The following C5orf34 variants were observed in gnomAD, a reference collection of about 807,000 sequenced individuals.
C5orf34 encodes uncharacterized protein C5orf34.
C5orf34 carries 73 observed loss-of-function variants against 78.4 expected under a neutral mutation model. The ratio of observed to expected loss-of-function variants is 0.93; its 90% CI spans 0.77 to 1.13. C5orf34 has a LOEUF of 1.13. C5orf34 is among the 50% of genes most tolerant of loss of function. The pLI is 0.00. For missense variants in C5orf34, 730 were observed against 732.7 expected (o/e 1.00, Z 0.04); for synonymous variants, 251 against 246.6 (o/e 1.02, Z -0.17).
chr5:43,495,947 A>C (rs149699460), intron 6 of C5orf34: 1 of 1,590,754 alleles, frequency 6.3e-7, no homozygotes, highest in East Asian at 2.2e-5. Context: ...GACTTCCTTA[A>C]CAATTTCCTC....
intron 6 of C5orf34, chr5:43,494,959 T>C: frequency 1.2e-6 from 1 of 859,416 alleles, no homozygotes; most frequent in Non-Finnish European, 1.8e-6. Context: ...GATGCATTGT[T>C]ATCATTAACC....
intron 10 of C5orf34, among the ~76,000 whole-genome samples, chr5:43,491,983 C>A (rs1745303736): frequency 7.1e-6 from 1 of 140,018 alleles, no homozygotes; most frequent in Non-Finnish European, 1.5e-5. Flanking sequence ...CGGCCCAGGC[C>A]ACAGGAGCAA....
intron 1 of C5orf34, among the ~76,000 whole-genome samples, chr5:43,512,616 T>A (rs1488239802): frequency 1.3e-5 from 2 of 152,292 alleles, no homozygotes; most frequent in South Asian, 2.1e-4. Context: ...CTGCCACAGT[T>A]TTCTTCTTCA....
intron 6 of C5orf34, 96 bp from the exon 7 acceptor site, chr5:43,494,697 C>G (rs907588239): frequency 2.2e-5 from 13 of 604,262 alleles, no homozygotes; most frequent in Middle Eastern, 4.3e-4. Flanking sequence ...ACAATAGTGA[C>G]AAGACGAGTA....
chr5:43,506,352 C>A lies in C5orf34; in HGVS notation c.328G>T (p.Asp110Tyr). The change falls in exon 4 of 13, where the codon GAT becomes TAT. Residue 110 changes from aspartate to tyrosine, a missense_variant. Transcript: ENST00000306862. ...ATATATATCATGGTACCATCTGTAT[C>A]AAGACTGGGCCATCTCACTTCTGTT... is the stretch of plus-strand genomic sequence containing the variant. Reference protein sequence around the residue: ...DITEVRWPSLDTDGTMIYMES... With the variant: ...DITEVRWPSLYTDGTMIYMES... The A allele has an allele frequency of 6.2e-7, 1 of 1,612,306 alleles. No homozygotes were observed. Among genetic ancestry groups the A allele is most frequent in the Non-Finnish European group, 8.5e-7 (1 of 1,179,340 alleles).
chr5:43,505,872 TA>T lies in C5orf34; in HGVS notation c.807del (p.Ile271LeufsTer5). The T allele has an allele frequency of 6.2e-7, 1 of 1,613,964 alleles. No individual in the cohort carries two copies. On this transcript the variant is annotated frameshift_variant, in exon 4 of 13. Transcript: ENST00000306862. LOFTEE classifies it high-confidence loss of function. ...CTCTGAGTTATATGTGCATCAATTT[TA>T]GACATATTGCTGATTTTATTATGAA... ...LHFHNKISNMSKIDAHITQSR... is the reference protein window; with the variant it reads ...LHFHNKISNMXKIDAHITQSR...
intron 10 of C5orf34, among the ~76,000 whole-genome samples, chr5:43,492,004 CAAAAAAA>C (rs34983529): frequency 2.3e-5 from 2 of 85,538 alleles, no homozygotes; most frequent in African/African-American, 8.5e-5. Context: ...AACTCTGTCT[CAAAAAAA>C]AAAAAAAAAA....
chr5:43,512,143 G>C (rs967431542), intron 1 of C5orf34, among the ~76,000 whole-genome samples: 1 of 151,768 alleles, frequency 6.6e-6, no homozygotes, highest in African/African-American at 2.4e-5. Context: ...GGATTGTTGT[G>C]TGTATTAAAA....
In C5orf34 at chr5:43,495,844, A is replaced by C. The variant is rs1432933484; in HGVS notation, c.1153-1243T>G. On this transcript the variant is annotated intron_variant, in intron 6 of 12. Transcript: ENST00000306862. ...ATCCCTTGAGCCAAGGCATGTTAGC[A>C]CTCGGCTCCAGCATGTTGTCACCAT... is the stretch of plus-strand genomic sequence containing the variant. The C allele has an allele frequency of 6.9e-6, 11 of 1,589,946 alleles. No homozygotes were observed. The East Asian group carries it at 2.2e-4, about 32-fold the overall frequency.
At chr5:43,506,868 AATT>A (rs1454445540) in intron 3 of C5orf34, among the ~76,000 whole-genome samples, 3 of 152,132 alleles carry the variant, frequency 2.0e-5, no homozygotes, top group Non-Finnish European at 4.4e-5. Context: ...CTACCATAAA[AATT>A]ATTGACAGAA....
chr5:43,487,053 CTGT>C lies in C5orf34; in HGVS notation c.1776_1778del (p.Gln593del). The stretch of plus-strand genomic sequence containing the variant: ...ATCCTGGTTTATAATGATCAAAAGA[CTGT>C]TGTTCATTTTTCTTGTTAGAAATCT... On this transcript the variant is annotated inframe_deletion, in exon 13 of 13. Coordinates refer to ENST00000306862, the MANE Select transcript of C5orf34 (RefSeq NM_198566.4). 1 of 1,572,474 alleles carries C rather than the reference CTGT, an allele frequency of 6.4e-7. No individual in the cohort carries two copies.
At chr5:43,504,988 GTTAT>G (rs1745918014) in intron 4 of C5orf34, among the ~76,000 whole-genome samples, 2 of 152,112 alleles carry the variant, frequency 1.3e-5, no homozygotes. Flanking sequence ...CTTTCCTCAA[GTTAT>G]TTAACATTTC....
intron 3 of C5orf34, among the ~76,000 whole-genome samples, chr5:43,507,316 G>A (rs528295200): frequency 6.6e-5 from 10 of 152,216 alleles, no homozygotes; most frequent in South Asian, 4.2e-4. Context: ...AAAATCTTAC[G>A]TTTACACAAA....
chr5:43,508,682 T>C lies in C5orf34; in HGVS notation c.196-16A>G, dbSNP rs1746094983. On this transcript the variant is annotated splice_polypyrimidine_tract_variant and intron_variant, in intron 2 of 12. Coordinates refer to ENST00000306862, the MANE Select transcript of C5orf34 (RefSeq NM_198566.4). ...GTAGTTGCTCCTATGAAAAGAAATATAAAATGTAACCTTAATGTAAAATGA... is the reference window on the plus strand; with the variant it reads ...GTAGTTGCTCCTATGAAAAGAAATACAAAATGTAACCTTAATGTAAAATGA... The C allele has an allele frequency of 5.6e-6, 8 of 1,440,752 alleles. No individual in the cohort carries two copies. The highest frequency in any genetic ancestry group is 6.8e-6 in the Non-Finnish European group (7 of 1,025,290). The allele number at this position is 1,440,752 out of a possible 1,614,324, so 89.2% of individuals were successfully genotyped here. A position where few individuals can be genotyped will look rare whatever the true frequency, so the allele number is the denominator to read the frequency against.
At chr5:43,502,344 T>C (rs769654214) in intron 6 of C5orf34, 28 bp downstream of exon 6, 2 of 1,608,862 alleles carry the variant, frequency 1.2e-6, no homozygotes, top group Non-Finnish European at 1.7e-6. Flanking sequence ...GCAAAACTCT[T>C]CTTGAGTTGA....
chr5:43,493,511 A>C (rs981361260), intron 8 of C5orf34, 32 bp downstream of exon 8: 2 of 1,279,082 alleles, frequency 1.6e-6, no homozygotes, highest in Non-Finnish European at 2.2e-6. Flanking sequence ...ACAATTTAAA[A>C]ATATCTTGCT....
At chr5:43,499,353 G>T (rs937471390) in intron 6 of C5orf34, among the ~76,000 whole-genome samples, 7 of 152,106 alleles carry the variant, frequency 4.6e-5, no homozygotes, top group East Asian at 1.9e-4. Context: ...TTTCCTTCAG[G>T]AGTTGTTTCT....
chr5:43,497,212 C>T (rs1323536292), intron 6 of C5orf34, among the ~76,000 whole-genome samples: 1 of 152,132 alleles, frequency 6.6e-6, no homozygotes, highest in South Asian at 2.1e-4. Flanking sequence ...CACTCTGTCT[C>T]CAGCCTTCTC....
In C5orf34 at chr5:43,495,108, T is replaced by C. The variant is rs1462469392; in HGVS notation, c.1153-507A>G. 22 of 1,566,696 alleles carry C rather than the reference T, an allele frequency of 1.4e-5. No individual in the cohort carries two copies. In the East Asian group the frequency reaches 4.7e-4, roughly 33 times the overall value. ...TTCTGAGCTGTCTGGGCAGACTTCG[T>C]GACCTTGCCACCTCCAGCAGCCTTC... On this transcript the variant is annotated intron_variant, in intron 6 of 12. Transcript: ENST00000306862.
Sources: allele counts gnomAD v4.1 joint callset (sites outside exome capture counted in the v4.1 genomes callset), GRCh38; gene constraint gnomAD v4.1.1; transcripts MANE v1.5; gene names NCBI Gene and HGNC (gene_info 2026-07-23, HGNC 2026-07-21).